The following KDM6A variants were observed in gnomAD, a reference collection of about 807,000 sequenced individuals.
The protein encoded by KDM6A is lysine demethylase 6A, also known as lysine-specific demethylase 6A.
A neutral mutation model predicts 117.6 loss-of-function variants in KDM6A; 11 were observed. The observed-to-expected ratio is 0.09, with a 90% CI of 0.06 to 0.15. The LOEUF (loss-of-function observed/expected upper bound fraction) is 0.15, where lower values mean the gene tolerates loss of function less well. Among genes scored for constraint, KDM6A ranks in the 10% least tolerant of loss-of-function variants. KDM6A has a pLI of 1.00. For missense variants in KDM6A, 799 were observed against 1,077.3 expected (o/e 0.74, Z 3.62); for synonymous variants, 384 against 396.1 (o/e 0.97, Z 0.36).
intron 2 of KDM6A, among the ~76,000 whole-genome samples, chrX:44,958,326 G>A (rs1252167075): frequency 2.8e-5 from 3 of 108,766 alleles, no homozygotes; most frequent in African/African-American, 1.0e-4. Flanking sequence ...GGGACTACAG[G>A]CGCCCACCAC....
At chrX:45,009,660 G>A (rs5952667) in intron 4 of KDM6A, among the ~76,000 whole-genome samples, 23,973 of 110,646 alleles carry the variant, frequency 0.22, 4,334 homozygotes, top group African/African-American at 0.61. Flanking sequence ...AACATCATTG[G>A]TTCTTTTTCT....
chrX:44,989,282 T>C, intron 4 of KDM6A, among the ~76,000 whole-genome samples: 1 of 102,575 alleles, frequency 9.7e-6, no homozygotes, highest in Middle Eastern at 4.7e-3. Context: ...GTGACCTGAT[T>C]TTCCGGGTGC....
chrX:44,998,815 G>A (rs1474900649), intron 4 of KDM6A, among the ~76,000 whole-genome samples: 1 of 111,629 alleles, frequency 9.0e-6, no homozygotes, highest in Non-Finnish European at 1.9e-5. Context: ...GGGGTATGGG[G>A]TGCTTGGTGG....
chrX:44,998,812 G>T (rs1369765633), intron 4 of KDM6A, among the ~76,000 whole-genome samples: 2 of 111,648 alleles, frequency 1.8e-5, no homozygotes, highest in Non-Finnish European at 3.8e-5. Flanking sequence ...ACTGGGGTAT[G>T]GGGTGCTTGG....
At chrX:44,955,221 T>G (rs181075679) in intron 2 of KDM6A, among the ~76,000 whole-genome samples, 1 of 111,273 alleles carries the variant, frequency 9.0e-6, no homozygotes, top group Admixed American at 9.6e-5. Context: ...TGCACAAAAG[T>G]GACTCTTGGG....
At chrX:44,887,112 G>T (rs991686190) in intron 2 of KDM6A, among the ~76,000 whole-genome samples, 2 of 108,848 alleles carry the variant, frequency 1.8e-5, no homozygotes, top group African/African-American at 6.7e-5. Context: ...TAGAGATGGG[G>T]TTTTATCATG....
At position 45,101,474 on chromosome X, in the gene KDM6A, C is replaced by A. The variant is rs778434127; in HGVS notation, c.4035-5936C>A. 1.8e-4 allele frequency among the ~76,000 whole-genome samples: 20 copies of A among 110,545 alleles called. No individual in the cohort carries two copies. The South Asian group carries it at 7.7e-3, about 43-fold the overall frequency. ...TCTCAAATGTGGACAATTTTTCCTC[C>A]CCCCACTTTCCTTTCCCAGGGGACA... On this transcript the variant is annotated intron_variant, in intron 27 of 29. Coordinates refer to ENST00000611820, the MANE Select transcript of KDM6A (RefSeq NM_001291415.2).
chrX:45,052,394 T>C (rs1391180003), intron 9 of KDM6A, among the ~76,000 whole-genome samples: 1 of 112,075 alleles, frequency 8.9e-6, no homozygotes, highest in Non-Finnish European at 1.9e-5. Context: ...GTTTTTGGTC[T>C]GGGCAAATCA....
At chrX:45,105,820 T>G (rs5952681) in intron 27 of KDM6A, among the ~76,000 whole-genome samples, 13,276 of 111,410 alleles carry the variant, frequency 0.12, 906 homozygotes, top group African/African-American at 0.26. Context: ...CAGCAGGAGG[T>G]GAGCAGCAGG....
At chrX:44,995,433 G>A (rs1602497835) in intron 4 of KDM6A, among the ~76,000 whole-genome samples, 1 of 110,608 alleles carries the variant, frequency 9.0e-6, no homozygotes, top group Non-Finnish European at 1.9e-5. Flanking sequence ...TATAATTTAA[G>A]GAAATATAAA....
chrX:44,917,952 TTTAAAG>T (rs2035664612), intron 2 of KDM6A, among the ~76,000 whole-genome samples: 1 of 112,181 alleles, frequency 8.9e-6, no homozygotes, highest in Admixed American at 9.5e-5. Context: ...TAAAGTTACA[TTTAAAG>T]TTAAAGATAT....
chrX:44,989,976 C>T (rs1380597486), intron 4 of KDM6A, among the ~76,000 whole-genome samples: 1 of 111,314 alleles, frequency 9.0e-6, no homozygotes, highest in African/African-American at 3.3e-5. Flanking sequence ...TTTTAGCTCC[C>T]AGGCCTTAAA....
At chrX:44,913,744 G>A (rs1367550190) in intron 2 of KDM6A, among the ~76,000 whole-genome samples, 3 of 107,321 alleles carry the variant, frequency 2.8e-5, no homozygotes, top group Non-Finnish European at 3.9e-5. Context: ...GTGTGTGTGC[G>A]TATATATATA....
rs1179926118 is a variant in KDM6A at position 45,059,444 on chromosome X, C to T, written c.1172C>T (p.Ala391Val). The change falls in exon 12 of 30, where the codon GCA becomes GTA. Residue 391 changes from alanine (A) to valine (V), a missense_variant. Around this residue, in one of 8 missense-constraint regions of KDM6A, gnomAD observed 36 missense variants for 44.4 expected, o/e 0.81. Transcript: ENST00000611820. ...SKSCSNTSAL[A>V]ARIKYLQAQL... ...AGTTGTAGTAATACCTCTGCACTTG[C>T]AGCACGAATTAAGTATTTACAGGTA... 1 of 1,204,151 alleles carries T rather than the reference C, an allele frequency of 8.3e-7. No homozygotes were observed. The highest frequency in any genetic ancestry group is 1.8e-5 in the African/African-American group (1 of 57,053).
intron 2 of KDM6A, among the ~76,000 whole-genome samples, chrX:44,914,287 C>T (rs1399143918): frequency 1.8e-5 from 2 of 111,978 alleles, no homozygotes; most frequent in African/African-American, 6.5e-5. Flanking sequence ...ATTTAAGGGT[C>T]ATTTGTACTT....
chrX:45,090,892 C>T (rs2045866257), intron 27 of KDM6A, 28 bp downstream of exon 27: 3 of 1,199,549 alleles, frequency 2.5e-6, no homozygotes, highest in Middle Eastern at 2.3e-4. Flanking sequence ...CTGCTGTAGT[C>T]CCTCTCTTTT....
At position 44,873,400 on chromosome X, in the gene KDM6A, G is replaced by C. The variant is rs2031030369; in HGVS notation, c.-152G>C. 2.4e-6 allele frequency: 2 copies of C among 829,229 alleles called. No individual in the cohort carries two copies. The highest frequency in any genetic ancestry group is 1.7e-6 in the Non-Finnish European group (1 of 590,662). The allele number at this position is 829,229 out of a possible 1,213,427, so 68.3% of individuals were successfully genotyped here. A position where few individuals can be genotyped will look rare whatever the true frequency, so the allele number is the denominator to read the frequency against. On this transcript the variant is annotated 5_prime_UTR_variant, in exon 1 of 30. Transcript: ENST00000611820. ...CGCCGCCGCCGCCTTCACCGCCGCCGCGTTGGGATTTTTCGTCGCCGCCGC... is the reference window on the plus strand; with the variant it reads ...CGCCGCCGCCGCCTTCACCGCCGCCCCGTTGGGATTTTTCGTCGCCGCCGC...
chrX:44,963,262 G>A (rs1305285767), intron 3 of KDM6A, among the ~76,000 whole-genome samples: 2 of 109,542 alleles, frequency 1.8e-5, no homozygotes, highest in Non-Finnish European at 3.8e-5. Flanking sequence ...AGGAGTTCAA[G>A]ACCAGCCTGG....
chrX:45,069,871 A>G lies in KDM6A; in HGVS notation c.2372A>G (p.Asn791Ser), dbSNP rs891682432. The change falls in exon 18 of 30, where the codon AAC becomes AGC. Residue 791 changes from asparagine (N) to serine (S), a missense_variant. Transcript: ENST00000611820. ...ETSRHTGETP[N>S]STASVEGLPN... Reference sequence around the variant, plus strand: ...AGCAGGCACACTGGAGAGACACCTAACAGCACTGCCAGTGTCGAGGGACTT... The same window carrying G: ...AGCAGGCACACTGGAGAGACACCTAGCAGCACTGCCAGTGTCGAGGGACTT... The G allele has an allele frequency of 8.3e-7, 1 of 1,211,423 alleles. No individual in the cohort carries two copies. The highest frequency in any genetic ancestry group is 1.1e-6 in the Non-Finnish European group (1 of 895,100).
Sources: allele counts gnomAD v4.1 joint callset (sites outside exome capture counted in the v4.1 genomes callset), GRCh38; gene constraint gnomAD v4.1.1; regional missense constraint gnomAD v4.1.1; transcripts MANE v1.5; gene names NCBI Gene and HGNC (gene_info 2026-07-23, HGNC 2026-07-21).